Variants in TAF4 observed in about 807,000 individuals in gnomAD.
TAF4 encodes the protein transcription initiation factor TFIID subunit 4.
Under a neutral mutation model 90.3 loss-of-function variants are expected in TAF4, and 9 were observed. The observed-to-expected ratio is 0.10, with a 90% CI of 0.06 to 0.17. The LOEUF (loss-of-function observed/expected upper bound fraction) is 0.17, where lower values mean the gene tolerates loss of function less well. Among genes scored for constraint, TAF4 ranks in the 10% least tolerant of loss-of-function variants. The pLI is 1.00. For synonymous variants in TAF4, 818 were observed against 638.9 expected, an observed-to-expected ratio of 1.28 and a Z score of -4.23; for missense variants, 1,351 against 1,370.7, an observed-to-expected ratio of 0.99 and a Z score of 0.23.
intron 1 of TAF4, among the ~76,000 whole-genome samples, chr20:62,059,304 CTT>C (rs535924361): frequency 1.3e-5 from 2 of 152,210 alleles, no homozygotes; most frequent in Admixed American, 6.5e-5. Flanking sequence ...ACATGTATCT[CTT>C]TGTTTTTCGA....
At chr20:62,050,327 C>T (rs953070298) in intron 1 of TAF4, among the ~76,000 whole-genome samples, 2 of 152,132 alleles carry the variant, frequency 1.3e-5, no homozygotes, top group South Asian at 2.1e-4. Context: ...CATCACTCAC[C>T]GCTCCCTTCT....
intron 1 of TAF4, among the ~76,000 whole-genome samples, chr20:62,056,978 GC>G (rs2056068281): frequency 6.6e-6 from 1 of 152,182 alleles, no homozygotes; most frequent in Admixed American, 6.5e-5. Flanking sequence ...AGCAAGGCAG[GC>G]CTGTGCGTTC....
At chr20:62,014,762 A>C (rs373574135) in intron 1 of TAF4, 55 bp from the exon 2 acceptor site, 118 of 1,596,742 alleles carry the variant, frequency 7.4e-5, no homozygotes, top group Middle Eastern at 1.7e-4. Flanking sequence ...AGCCATGAGG[A>C]GGCCCTGGCC....
intron 1 of TAF4, among the ~76,000 whole-genome samples, chr20:62,028,801 C>A (rs2055887954): frequency 6.6e-6 from 1 of 152,202 alleles, no homozygotes; most frequent in South Asian, 2.1e-4. Flanking sequence ...CCATAAAGCA[C>A]CTGCCTAAGC....
rs1047076144 is a variant in TAF4, at chr20:62,065,492, G to A, written c.319C>T (p.Pro107Ser). 1.0e-6 allele frequency: 1 copy of A among 970,900 alleles called. No homozygotes were observed. Among genetic ancestry groups the A allele is most frequent in the Non-Finnish European group, 1.2e-6 (1 of 819,982 alleles). The allele number at this position is 970,900 out of a possible 1,614,324, so 60.1% of individuals were successfully genotyped here. ...PGGGGPQRPG[P>S]PSPRRPLVPA... ...ACAAGGGGGCGGCGCGGTGAGGGGG[G>A]GCCCGGGCGCTGCGGCCCCCCGCCC... is the stretch of plus-strand genomic sequence containing the variant. Residue 107 changes from proline (P) to serine (S), a missense_variant, in exon 1 of 15, where the codon CCC becomes TCC. Physicochemically the swap from Pro to Ser is moderately conservative, Grantham distance 74. Around this residue, in one of 9 missense-constraint regions of TAF4, gnomAD observed 782 missense variants for 536.6 expected, o/e 1.46. Transcript: ENST00000252996.
intron 14 of TAF4, among the ~76,000 whole-genome samples, chr20:61,986,959 A>G (rs2055596623): frequency 6.6e-6 from 1 of 152,250 alleles, no homozygotes; most frequent in South Asian, 2.1e-4. Context: ...AAGGCCTGAT[A>G]AGAAATGGTA....
Position 62,029,689 on chromosome 20 carries a change from C to T in TAF4, c.1361-14982G>A, listed in dbSNP as rs1474005266. On this transcript the variant is annotated intron_variant, in intron 1 of 14. Transcript: ENST00000252996. ...CTGGGAGGCCGAGGCAGGCGGATCA[C>T]GAGGTCAGGAGATCGAGACCAGCCT... is the stretch of plus-strand genomic sequence containing the variant. Among the ~76,000 whole-genome samples, 6 of 152,216 alleles carry T rather than the reference C, an allele frequency of 3.9e-5. No individual in the cohort carries two copies. In the East Asian group the frequency reaches 1.2e-3, roughly 30 times the overall value.
intron 3 of TAF4, 98 bp downstream of exon 3, chr20:62,012,716 TA>T (rs60638506): frequency 0.14 from 138,146 of 1,021,340 alleles, 439 homozygotes; most frequent in African/African-American, 0.18. Flanking sequence ...GTATCCAGTT[TA>T]AAAAAAAAAA....
At chr20:61,985,649 G>A (rs1330026083) in intron 14 of TAF4, among the ~76,000 whole-genome samples, 2 of 151,458 alleles carry the variant, frequency 1.3e-5, no homozygotes, top group East Asian at 3.9e-4. Context: ...TCTACTGTGG[G>A]GGATGAGAAC....
intron 1 of TAF4, among the ~76,000 whole-genome samples, chr20:62,034,069 G>A (rs910369138): frequency 1.3e-5 from 2 of 151,788 alleles, no homozygotes; most frequent in African/African-American, 4.8e-5. Context: ...AAATGAGTGG[G>A]AAAGAACTTC....
chr20:62,053,630 C>A (rs2056043598), intron 1 of TAF4, among the ~76,000 whole-genome samples: 1 of 152,248 alleles, frequency 6.6e-6, no homozygotes, highest in African/African-American at 2.4e-5. Context: ...GCCAGATCCA[C>A]AAGGTCTCAC....
chr20:62,014,019 GGTGTGT>G lies in TAF4; in HGVS notation c.1521+522_1521+527del, dbSNP rs56759835. Among the ~76,000 whole-genome samples the G allele has an allele frequency of 5.8e-4, 73 of 126,464 alleles. No homozygotes were observed. In the East Asian group the frequency reaches 0.012, roughly 20 times the overall value. The allele number at this position is 126,464 out of a possible 152,430, so 83.0% of individuals were successfully genotyped here. A position where few individuals can be genotyped will look rare whatever the true frequency, so the allele number is the denominator to read the frequency against. On this transcript the variant is annotated intron_variant, in intron 2 of 14. Transcript: ENST00000252996. ...CCCTGAAGGCTGACGCGGGGGTGTG[GGTGTGT>G]GTGTGTGTGTGTGTGTGTGTATGTG...
chr20:62,045,130 G>A (rs2055985897), intron 1 of TAF4, among the ~76,000 whole-genome samples: 1 of 152,368 alleles, frequency 6.6e-6, no homozygotes, highest in Non-Finnish European at 1.5e-5. Flanking sequence ...CAGGTAGGGA[G>A]AGACAGTCTA....
intron 1 of TAF4, among the ~76,000 whole-genome samples, chr20:62,027,692 G>A (rs1228008937): frequency 6.6e-6 from 1 of 152,132 alleles, no homozygotes; most frequent in Non-Finnish European, 1.5e-5. Context: ...TTAATTTTCT[G>A]CATTGGATTC....
intron 1 of TAF4, among the ~76,000 whole-genome samples, chr20:62,053,770 C>T (rs774208651): frequency 3.9e-5 from 6 of 152,252 alleles, no homozygotes; most frequent in Non-Finnish European, 7.3e-5. Context: ...AGGCACAAGC[C>T]GAACCACCCA....
At chr20:62,039,182 G>A (rs1289814689) in intron 1 of TAF4, among the ~76,000 whole-genome samples, 3 of 152,164 alleles carry the variant, frequency 2.0e-5, no homozygotes, top group African/African-American at 7.2e-5. Context: ...AGCAGCACTG[G>A]AGGACTCCTG....
intron 1 of TAF4, among the ~76,000 whole-genome samples, chr20:62,060,369 A>G (rs560977483): frequency 6.6e-6 from 1 of 152,390 alleles, no homozygotes; most frequent in Admixed American, 6.5e-5. Flanking sequence ...GCTCGGGCAC[A>G]GTAAGCAGTG....
chr20:61,975,900 C>G lies in TAF4; in HGVS notation c.*268G>C. The G allele has an allele frequency of 4.6e-6, 2 of 439,480 alleles. No homozygotes were observed. The highest frequency in any genetic ancestry group is 8.2e-6 in the Non-Finnish European group (2 of 244,996). 27.2% of individuals were successfully genotyped at this position (439,480 alleles called of 1,614,324 possible). A position where few individuals can be genotyped will look rare whatever the true frequency, so the allele number is the denominator to read the frequency against. On this transcript the variant is annotated 3_prime_UTR_variant, in exon 15 of 15. Coordinates refer to ENST00000252996, the MANE Select transcript of TAF4 (RefSeq NM_003185.4). ...GCTAATTATTTGCTAACGATTCCAT[C>G]AGTCTTTATATATGGCTTGTTTGGC...
At position 61,990,140 on chromosome 20, in the gene TAF4, C is replaced by A. The variant is rs193279861; in HGVS notation, c.3090+7410G>T. Among the ~76,000 whole-genome samples the A allele has an allele frequency of 2.0e-5, 3 of 152,282 alleles. No homozygotes were observed. In the East Asian group the frequency reaches 5.8e-4, roughly 29 times the overall value. The stretch of plus-strand genomic sequence containing the variant: ...GCCTAGTAGCCACCTAAGGTATCAG[C>A]CGCACGAGCATTTAGGGTGCTGGGT... On this transcript the variant is annotated intron_variant, in intron 14 of 14. Transcript: ENST00000252996.
Sources: allele counts gnomAD v4.1 joint callset (sites outside exome capture counted in the v4.1 genomes callset), GRCh38; gene constraint gnomAD v4.1.1; regional missense constraint gnomAD v4.1.1; transcripts MANE v1.5; gene names NCBI Gene and HGNC (gene_info 2026-07-23, HGNC 2026-07-21).